RAB22A: variants seen among roughly 807,000 people sequenced by gnomAD.
RAB22A encodes ras-related protein Rab-22A.
RAB22A carries 13 observed loss-of-function variants against 30.2 expected under a neutral mutation model. The observed-to-expected ratio is 0.43, with a 90% CI of 0.28 to 0.68. The LOEUF (loss-of-function observed/expected upper bound fraction) is 0.68. RAB22A is among the 30% of genes least tolerant of loss of function. RAB22A has a pLI of 0.18. For synonymous variants in RAB22A, 89 were observed against 87.2 expected (o/e 1.02, Z -0.11); for missense variants, 177 against 246.8 (o/e 0.72, Z 1.89).
intron 2 of RAB22A, among the ~76,000 whole-genome samples, chr20:58,336,609 AAAAG>A (rs1285308949): frequency 1.3e-5 from 2 of 152,262 alleles, no homozygotes; most frequent in Non-Finnish European, 2.9e-5. Flanking sequence ...TCAGTTTAAA[AAAAG>A]AGAGTGATTT....
intron 2 of RAB22A, among the ~76,000 whole-genome samples, chr20:58,341,004 C>G (rs1181964365): frequency 6.6e-6 from 1 of 152,096 alleles, no homozygotes; most frequent in Non-Finnish European, 1.5e-5. Flanking sequence ...GCAGGATGTG[C>G]TGGGGTCATG....
intron 2 of RAB22A, among the ~76,000 whole-genome samples, chr20:58,336,276 T>C (rs1236708486): frequency 6.6e-6 from 1 of 152,194 alleles, no homozygotes; most frequent in Non-Finnish European, 1.5e-5. Context: ...CCTTCCAAAG[T>C]GCTGGGATTA....
At position 58,363,207 on chromosome 20, in the gene RAB22A, G is replaced by A. The variant is rs1292651313; in HGVS notation, c.*3504G>A. On this transcript the variant is annotated 3_prime_UTR_variant, in exon 7 of 7. Coordinates refer to ENST00000244040, the MANE Select transcript of RAB22A (RefSeq NM_020673.3). ...GCATGTCAGCCTCCAGCTCAGAAAG[G>A]CATTTGCTCATGGTTACAGGCATCT... The A allele has an allele frequency of 1.3e-5, 2 of 152,142 alleles. No homozygotes were observed. The highest frequency in any genetic ancestry group is 2.4e-5 in the African/African-American group (1 of 41,440). The allele number at this position is 152,142 out of a possible 1,614,324, so 9.4% of individuals were successfully genotyped here. A position where few individuals can be genotyped will look rare whatever the true frequency, so the allele number is the denominator to read the frequency against.
At position 58,353,277 on chromosome 20, in the gene RAB22A, G is replaced by A. The variant is rs774604014; in HGVS notation, c.203G>A (p.Arg68His). 2.5e-5 allele frequency: 41 copies of A among 1,612,954 alleles called. No homozygotes were observed. The highest frequency in any genetic ancestry group is 5.0e-5 in the Admixed American group (3 of 59,880). ...IWDTAGQERF[R>H]ALAPMYYRGS... ...ATTTTTCCCCCTCCTCTGCAGTTTC[G>A]TGCCTTAGCACCAATGTACTATCGA... The change falls in exon 4 of 7, where the codon CGT becomes CAT. Residue 68 changes from arginine to histidine, a missense_variant. Transcript: ENST00000244040.
chr20:58,331,033 G>A (rs967720384), intron 2 of RAB22A, among the ~76,000 whole-genome samples: 3 of 152,166 alleles, frequency 2.0e-5, no homozygotes. Context: ...TCTAGCCAAC[G>A]CTGGTGGTTT....
chr20:58,343,076 G>A (rs116860699), intron 2 of RAB22A, among the ~76,000 whole-genome samples: 3,223 of 152,274 alleles, frequency 0.021, 60 homozygotes, highest in Non-Finnish European at 0.03. Context: ...TCTCCCATCC[G>A]GGGCTCGATG....
chr20:58,352,559 C>T (rs1270058442), intron 3 of RAB22A, among the ~76,000 whole-genome samples: 1 of 152,206 alleles, frequency 6.6e-6, no homozygotes, highest in Non-Finnish European at 1.5e-5. Flanking sequence ...CCATCTCACA[C>T]TCATTGAGAG....
At chr20:58,346,433 C>A (rs942143451) in intron 3 of RAB22A, among the ~76,000 whole-genome samples, 8 of 152,208 alleles carry the variant, frequency 5.3e-5, no homozygotes, top group African/African-American at 1.9e-4. Flanking sequence ...CACTCCTTGG[C>A]CTCATGCCTC....
Position 58,353,875 on chromosome 20 carries a change from C to T in RAB22A, c.378-281C>T, listed in dbSNP as rs150441154. ...GGCAGTTTCCCTGGGCCACTTCCAT[C>T]ATTCCCAAAGCAAGGGCTTTTTGAA... On this transcript the variant is annotated intron_variant, in intron 5 of 6. Coordinates refer to ENST00000244040, the MANE Select transcript of RAB22A (RefSeq NM_020673.3). Among the ~76,000 whole-genome samples the T allele has an allele frequency of 9.3e-3, 1,418 of 152,352 alleles. 18 individuals are homozygous for T. The highest frequency in any genetic ancestry group is 0.031 in the Middle Eastern group (9 of 294).
chr20:58,354,928 A>G (rs1987108306), intron 6 of RAB22A, among the ~76,000 whole-genome samples: 1 of 152,228 alleles, frequency 6.6e-6, no homozygotes, highest in African/African-American at 2.4e-5. Context: ...AATAAATAGG[A>G]TCATTTCAGA....
At position 58,366,599 on chromosome 20, in the gene RAB22A, A is replaced by C. The variant is rs1430972540; in HGVS notation, c.*6896A>C. Reference sequence around the variant, plus strand: ...CACCTCAAAGACATGTACAACTCTTAATTTAACATTTTTGAAAGAAAAAAA... The same window carrying C: ...CACCTCAAAGACATGTACAACTCTTCATTTAACATTTTTGAAAGAAAAAAA... On this transcript the variant is annotated 3_prime_UTR_variant, in exon 7 of 7. Transcript: ENST00000244040. The C allele has an allele frequency of 1.3e-5, 2 of 152,260 alleles. No individual in the cohort carries two copies. The highest frequency in any genetic ancestry group is 3.9e-4 in the East Asian group (2 of 5,184). The allele number at this position is 152,260 out of a possible 1,614,324, so 9.4% of individuals were successfully genotyped here.
chr20:58,332,075 A>G (rs1169292853), intron 2 of RAB22A, among the ~76,000 whole-genome samples: 1 of 152,240 alleles, frequency 6.6e-6, no homozygotes, highest in Non-Finnish European at 1.5e-5. Context: ...CTTTAAATGT[A>G]ATAACTCAGT....
Position 58,343,779 on chromosome 20 carries a change from G to T in RAB22A, c.178G>T (p.Asp60Tyr). 1 of 1,609,486 alleles carries T rather than the reference G, an allele frequency of 6.2e-7. No homozygotes were observed. Among genetic ancestry groups the T allele is most frequent in the Non-Finnish European group, 8.5e-7 (1 of 1,175,876 alleles). ...TGAGCTACATAAATTCCTAATCTGGGATACAGCTGGACAAGAACGAGTAAG... is the reference window on the plus strand; with the variant it reads ...TGAGCTACATAAATTCCTAATCTGGTATACAGCTGGACAAGAACGAGTAAG... The part of the protein sequence containing the change: ...QNELHKFLIW[D>Y]TAGQERFRAL... Residue 60 changes from aspartate (D) to tyrosine (Y), a missense_variant, in exon 3 of 7, where the codon GAT becomes TAT. Transcript: ENST00000244040.
chr20:58,311,151 A>G, intron 2 of RAB22A, 29 bp downstream of exon 2: 1 of 1,526,632 alleles, frequency 6.6e-7, no homozygotes, highest in African/African-American at 1.4e-5. Flanking sequence ...ATACACATCT[A>G]AAGGTGCATT....
At position 58,311,118 on chromosome 20, in the gene RAB22A, A is replaced by G; in HGVS notation, c.112A>G (p.Ile38Val). The G allele has an allele frequency of 1.3e-6, 2 of 1,581,700 alleles. No homozygotes were observed. Among genetic ancestry groups the G allele is most frequent in the Non-Finnish European group, 1.7e-6 (2 of 1,150,428 alleles). The part of the protein sequence containing the change: ...DSFDPNINPT[I>V]GASFMTKTVQ... ...TTTTGATCCAAACATCAACCCAACA[A>G]TAGGGTAAGAGACTTTTATTTGATA... Residue 38 changes from isoleucine (I) to valine (V), a missense_variant, in exon 2 of 7, where the codon ATA becomes GTA. Physicochemically the swap from Ile to Val is conservative, Grantham distance 29. Transcript: ENST00000244040.
At chr20:58,326,071 G>C (rs1462418345) in intron 2 of RAB22A, among the ~76,000 whole-genome samples, 1 of 152,078 alleles carries the variant, frequency 6.6e-6, no homozygotes, top group Non-Finnish European at 1.5e-5. Context: ...TTGTAACATT[G>C]TGAAATATAT....
intron 2 of RAB22A, among the ~76,000 whole-genome samples, chr20:58,328,376 G>T (rs1204826792): frequency 6.6e-6 from 1 of 152,006 alleles, no homozygotes; most frequent in African/African-American, 2.4e-5. Flanking sequence ...TAGAGACAGG[G>T]TCTGGCTATG....
chr20:58,349,806 A>G (rs1001958846), intron 3 of RAB22A, among the ~76,000 whole-genome samples: 2 of 152,216 alleles, frequency 1.3e-5, no homozygotes, highest in African/African-American at 2.4e-5. Flanking sequence ...AAGCGTCTAC[A>G]GTGCATCATC....
intron 2 of RAB22A, among the ~76,000 whole-genome samples, chr20:58,324,012 A>G (rs1986509512): frequency 6.6e-6 from 1 of 152,266 alleles, no homozygotes; most frequent in South Asian, 2.1e-4. Context: ...ATTTTTATGT[A>G]TGTTTATAAA....
Sources: allele counts gnomAD v4.1 joint callset (sites outside exome capture counted in the v4.1 genomes callset), GRCh38; gene constraint gnomAD v4.1.1; transcripts MANE v1.5; gene names NCBI Gene and HGNC (gene_info 2026-07-23, HGNC 2026-07-21).